Variants in DENND1A observed in about 807,000 individuals in gnomAD.
DENND1A encodes DENN domain-containing protein 1A.
Under a neutral mutation model 113.7 loss-of-function variants are expected in DENND1A, and 51 were observed. The observed-to-expected ratio is 0.45, with a 90% CI of 0.36 to 0.57. DENND1A has a LOEUF of 0.57. Ranked by LOEUF, DENND1A falls within the 20% of genes least tolerant of loss-of-function variation. The pLI is 0.00. For missense variants in DENND1A, 1,258 were observed against 1,395.9 expected (o/e 0.90, Z 1.57); for synonymous variants, 565 against 570.8 (o/e 0.99, Z 0.14).
intron 11 of DENND1A, among the ~76,000 whole-genome samples, chr9:123,604,999 G>A (rs1182049475): frequency 6.6e-6 from 1 of 152,190 alleles, no homozygotes; most frequent in Non-Finnish European, 1.5e-5. Flanking sequence ...CCATAAGGGA[G>A]ACACAGCCAT....
chr9:123,805,084 T>C (rs1227509499), intron 2 of DENND1A, among the ~76,000 whole-genome samples: 2 of 152,164 alleles, frequency 1.3e-5, no homozygotes, highest in Admixed American at 1.3e-4. Flanking sequence ...ATTCACTCTG[T>C]CTGATAAAAT....
intron 5 of DENND1A, among the ~76,000 whole-genome samples, chr9:123,699,986 C>A (rs916836499): frequency 6.6e-6 from 1 of 152,174 alleles, no homozygotes; most frequent in Non-Finnish European, 1.5e-5. Flanking sequence ...GTGTGAGCCA[C>A]TATGCCTGCC....
intron 13 of DENND1A, among the ~76,000 whole-genome samples, chr9:123,479,360 C>T (rs1446079818): frequency 6.6e-6 from 1 of 152,242 alleles, no homozygotes; most frequent in Non-Finnish European, 1.5e-5. Flanking sequence ...TATAGCCATG[C>T]TTTTCAGCCC....
At chr9:123,924,781 T>C (rs1207402315) in intron 1 of DENND1A, among the ~76,000 whole-genome samples, 1 of 152,164 alleles carries the variant, frequency 6.6e-6, no homozygotes, top group African/African-American at 2.4e-5. Context: ...GTCCAGGGTC[T>C]CTCCCTCTGA....
chr9:123,394,455 C>T (rs557267075), intron 21 of DENND1A, among the ~76,000 whole-genome samples: 1 of 152,228 alleles, frequency 6.6e-6, no homozygotes, highest in East Asian at 1.9e-4. Context: ...ACGTGCAAGT[C>T]TGGGGGTGGT....
rs527454935 is a variant in DENND1A, at chr9:123,422,595, G to A, written c.1489-10766C>T. ...GACCTTGGAATACATTTCTATCTGTGTCAAAGTCTACCCATCCACCGCCTC... is the reference window on the plus strand; with the variant it reads ...GACCTTGGAATACATTTCTATCTGTATCAAAGTCTACCCATCCACCGCCTC... On this transcript the variant is annotated intron_variant, in intron 19 of 23. Coordinates refer to ENST00000394215, the MANE Select transcript of DENND1A (RefSeq NM_001352964.2). This position sits in a 1 kb window ranked among gnomAD's most constrained non-coding sequence, Gnocchi z 4.8. Among the ~76,000 whole-genome samples the A allele has an allele frequency of 2.0e-5, 3 of 151,634 alleles. No homozygotes were observed. In the East Asian group the frequency reaches 5.8e-4, roughly 29 times the overall value.
intron 5 of DENND1A, among the ~76,000 whole-genome samples, chr9:123,700,056 T>C (rs56982808): frequency 0.012 from 1,805 of 152,286 alleles, 34 homozygotes; most frequent in African/African-American, 0.042. Flanking sequence ...TTCTAAAAAA[T>C]ATATCTAGAT....
intron 1 of DENND1A, among the ~76,000 whole-genome samples, chr9:123,904,780 A>ACT (rs1462479136): frequency 6.6e-6 from 1 of 151,962 alleles, no homozygotes; most frequent in Non-Finnish European, 1.5e-5. Flanking sequence ...GTTGGAAAAC[A>ACT]CTGCAGGATA....
chr9:123,529,810 TTTTAAC>T (rs1381740769), intron 13 of DENND1A, among the ~76,000 whole-genome samples: 1 of 152,096 alleles, frequency 6.6e-6, no homozygotes, highest in African/African-American at 2.4e-5. Flanking sequence ...TATGCTAGGG[TTTTAAC>T]TTTAAGGATG....
At chr9:123,744,819 A>T (rs982012172) in intron 5 of DENND1A, among the ~76,000 whole-genome samples, 1 of 127,752 alleles carries the variant, frequency 7.8e-6, no homozygotes, top group Non-Finnish European at 1.5e-5. Flanking sequence ...CCTATTGCCC[A>T]GGCTGGAGTG....
rs1001921875 is a variant in DENND1A at position 123,382,691 on chromosome 9, C to T, written c.2020-66G>A. The T allele has an allele frequency of 2.6e-6, 4 of 1,510,850 alleles. No individual in the cohort carries two copies. In the Admixed American group the frequency reaches 5.3e-5, roughly 20 times the overall value. The allele number at this position is 1,510,850 out of a possible 1,614,324, so 93.6% of individuals were successfully genotyped here. ...GTTGGGACATATGTGTGCCCATTCC[C>T]ACACCACTTCTGTGTGCTGAATGTG... On this transcript the variant is annotated intron_variant, in intron 23 of 23. Transcript: ENST00000394215.
chr9:123,396,540 G>A (rs1293214007), intron 21 of DENND1A, among the ~76,000 whole-genome samples: 4 of 152,268 alleles, frequency 2.6e-5, no homozygotes, highest in African/African-American at 9.6e-5. Flanking sequence ...GCATGTGTGT[G>A]AGTGTCCAGA....
intron 9 of DENND1A, among the ~76,000 whole-genome samples, chr9:123,632,977 G>A (rs977711456): frequency 2.0e-5 from 3 of 151,920 alleles, no homozygotes; most frequent in African/African-American, 7.3e-5. Context: ...GCACGATCTC[G>A]GCTCACTACA....
At chr9:123,491,594 G>A (rs1258596111) in intron 13 of DENND1A, among the ~76,000 whole-genome samples, 1 of 152,036 alleles carries the variant, frequency 6.6e-6, no homozygotes, top group African/African-American at 2.4e-5. Flanking sequence ...GAAGAAGAAG[G>A]GTCTCTGAGC....
At position 123,401,914 on chromosome 9, in the gene DENND1A, T is replaced by C. The variant is rs769339500; in HGVS notation, c.1631+1488A>G. ...GTAGCTGGTGTTGCAATGGTGTTTC[T>C]GTGTAATGCAAGAATATTCTGGGTT... On this transcript the variant is annotated intron_variant, in intron 21 of 23. Coordinates refer to ENST00000394215, the MANE Select transcript of DENND1A (RefSeq NM_001352964.2). 4 of 1,614,116 alleles carry C rather than the reference T, an allele frequency of 2.5e-6. No individual in the cohort carries two copies. The African/African-American group carries it at 5.3e-5, about 22-fold the overall frequency.
chr9:123,878,488 C>T (rs1338745360), intron 2 of DENND1A, among the ~76,000 whole-genome samples: 1 of 152,160 alleles, frequency 6.6e-6, no homozygotes, highest in Non-Finnish European at 1.5e-5. Context: ...AATTTTCAAC[C>T]TTCTTTTGCC....
intron 2 of DENND1A, among the ~76,000 whole-genome samples, chr9:123,825,610 T>C (rs1008328531): frequency 9.9e-5 from 15 of 152,260 alleles, no homozygotes; most frequent in African/African-American, 3.6e-4. Flanking sequence ...AGACCCCATC[T>C]ACCGTAAGAT....
intron 13 of DENND1A, among the ~76,000 whole-genome samples, chr9:123,548,122 C>T (rs767197508): frequency 1.6e-4 from 24 of 152,162 alleles, no homozygotes; most frequent in Admixed American, 4.6e-4. Flanking sequence ...CCATCACATT[C>T]GGTGGCCTCC....
intron 8 of DENND1A, among the ~76,000 whole-genome samples, chr9:123,665,447 A>T (rs2063448700): frequency 6.6e-6 from 1 of 152,216 alleles, no homozygotes; most frequent in Admixed American, 6.5e-5. Flanking sequence ...AAAAGGATGC[A>T]ACATTTTCTA....
Sources: gnomAD v4.1 joint callset for allele counts (sites outside exome capture counted in the v4.1 genomes callset) on GRCh38, gnomAD v4.1.1 for gene constraint, Gnocchi (gnomAD v3.1) non-coding constraint, MANE v1.5 for transcripts, NCBI Gene and HGNC (gene_info 2026-07-23, HGNC 2026-07-21) for gene names.